COL7A1: variants seen among roughly 807,000 people sequenced by gnomAD.
COL7A1 encodes collagen alpha-1(VII) chain.
Under a neutral mutation model 456.2 loss-of-function variants are expected in COL7A1, and 296 were observed. The observed-to-expected ratio is 0.65, with a 90% CI of 0.59 to 0.71. COL7A1 has a LOEUF of 0.71. Among genes scored for constraint, COL7A1 ranks in the 30% least tolerant of loss-of-function variants. The pLI is 0.00. For synonymous variants in COL7A1, 1,464 were observed against 1,525.9 expected (o/e 0.96, Z 0.95); for missense variants, 3,441 against 4,017.2 (o/e 0.86, Z 3.88).
In COL7A1 at chr3:48,567,945, C is replaced by G. The variant is rs1412234927; in HGVS notation, c.7876-54G>C. 6.2e-7 allele frequency: 1 copy of G among 1,609,430 alleles called. No homozygotes were observed. Among genetic ancestry groups the G allele is most frequent in the Admixed American group, 1.7e-5 (1 of 59,886 alleles). The stretch of plus-strand genomic sequence containing the variant: ...ATTCCCAGACACCTCACTCTGTGAC[C>G]CCCTTCACCCTGAAACTAACTCTCC... On this transcript the variant is annotated intron_variant, in intron 106 of 118. Coordinates refer to ENST00000681320, the MANE Select transcript of COL7A1 (RefSeq NM_000094.4). This position sits in a 1 kb window ranked among gnomAD's most constrained non-coding sequence, Gnocchi z 4.3.
In COL7A1 at chr3:48,574,496, C is replaced by T. The variant is rs370428918; in HGVS notation, c.6448G>A (p.Gly2150Ser). Reference sequence around the variant, plus strand: ...GTTGGGCAAGGACTTACCGGGTTGCCGTCCTGACCCCTCGGTCCAGGCTCT... The same window carrying T: ...GTTGGGCAAGGACTTACCGGGTTGCTGTCCTGACCCCTCGGTCCAGGCTCT... ...RGEPGPRGQDGNPGLPGERGM... is the reference protein window; with the variant it reads ...RGEPGPRGQDSNPGLPGERGM... The change falls in exon 79 of 119, where the codon GGC becomes AGC. Residue 2150 changes from glycine to serine, a missense_variant. By Grantham distance (56) the Gly-to-Ser change is moderately conservative. Transcript: ENST00000681320. This position sits in a 1 kb window ranked among gnomAD's most constrained non-coding sequence, Gnocchi z 5.0. 1.6e-5 allele frequency: 26 copies of T among 1,613,988 alleles called. No individual in the cohort carries two copies. In the Middle Eastern group the frequency reaches 4.9e-4, roughly 31 times the overall value.
In COL7A1 at chr3:48,571,975, C is replaced by T. The variant is rs983759628; in HGVS notation, c.7068+26G>A. On this transcript the variant is annotated intron_variant, in intron 92 of 118. Transcript: ENST00000681320. The surrounding 1 kb of genome is among the most constrained non-coding windows in gnomAD (Gnocchi z 4.6). Reference sequence around the variant, plus strand: ...GCCATCACACTCCTCAGGCCAGGCTCGCCCTTGCCTAGGCCCCGGACTCAC... The same window carrying T: ...GCCATCACACTCCTCAGGCCAGGCTTGCCCTTGCCTAGGCCCCGGACTCAC... 28 of 1,609,372 alleles carry T rather than the reference C, an allele frequency of 1.7e-5. No homozygotes were observed. The East Asian group carries it at 2.5e-4, about 14-fold the overall frequency.
In COL7A1 at chr3:48,574,558, C is replaced by T. The variant is rs2107668980; in HGVS notation, c.6394-8G>A. On this transcript the variant is annotated splice_region_variant and splice_polypyrimidine_tract_variant and intron_variant, in intron 78 of 118. Coordinates refer to ENST00000681320, the MANE Select transcript of COL7A1 (RefSeq NM_000094.4). The surrounding 1 kb of genome is among the most constrained non-coding windows in gnomAD (Gnocchi z 5.0). ...TTTGATGCCTGGCACACCCTGAAGG[C>T]AGAGTGTCGTGCCCTGAGCCCCCAG... The T allele has an allele frequency of 6.2e-7, 1 of 1,613,934 alleles. No homozygotes were observed. Among genetic ancestry groups the T allele is most frequent in the African/African-American group, 1.3e-5 (1 of 75,044 alleles).
intron 65 of COL7A1, among the ~76,000 whole-genome samples, chr3:48,577,519 G>A (rs1182514093): frequency 6.6e-6 from 1 of 152,214 alleles, no homozygotes; most frequent in African/African-American, 2.4e-5. Flanking sequence ...CAATGTGTAT[G>A]ACCATAAGCG....
At chr3:48,576,047 T>G in intron 71 of COL7A1, 145 bp from the exon 72 acceptor site, 1 of 1,435,418 alleles carries the variant, frequency 7.0e-7, no homozygotes, top group Non-Finnish European at 9.7e-7. Flanking sequence ...GAGGCATGGC[T>G]GGAGACTCCT....
Position 48,582,346 on chromosome 3 carries a change from G to A in COL7A1, c.4612C>T (p.Arg1538Cys), listed in dbSNP as rs149711883. The change falls in exon 47 of 119, where the codon CGC (arginine) becomes TGC (cysteine). Residue 1538 changes from arginine (R) to cysteine (C), a missense_variant. Around this residue, in one of 3 missense-constraint regions of COL7A1, gnomAD observed 2,084 missense variants for 2,501.3 expected, o/e 0.83. Transcript: ENST00000681320. ...GRQGEKGEPG[R>C]PGDPAVVGPA... ...ACCACCACTGCAGGGTCCCCAGGGCGACCAGGCTCCCCCTGTGGAGAGAGG... is the reference window on the plus strand; with the variant it reads ...ACCACCACTGCAGGGTCCCCAGGGCAACCAGGCTCCCCCTGTGGAGAGAGG... 4.7e-4 allele frequency: 761 copies of A among 1,614,012 alleles called. 4 individuals carry two copies. In the African/African-American group the frequency reaches 8.7e-3, roughly 18 times the overall value.
intron 37 of COL7A1, 102 bp downstream of exon 37, chr3:48,584,196 G>A: frequency 6.4e-7 from 1 of 1,551,540 alleles, no homozygotes; most frequent in Admixed American, 1.9e-5. Flanking sequence ...GAGGATGGGG[G>A]TAATCAAAGG....
Position 48,570,080 on chromosome 3 carries a change from G to A in COL7A1, c.7485+54C>T, listed in dbSNP as rs2043812293. ...GGCAGAGAGTCCTGGGGTACAAAGG[G>A]CACAGGCAGGGGACTGAAGTCACAG... On this transcript the variant is annotated intron_variant, in intron 99 of 118. Transcript: ENST00000681320. This position sits in a 1 kb window ranked among gnomAD's most constrained non-coding sequence, Gnocchi z 5.5. 8.7e-6 allele frequency: 14 copies of A among 1,607,854 alleles called. No homozygotes were observed. The Admixed American group carries it at 2.2e-4, about 25-fold the overall frequency.
In COL7A1 at chr3:48,571,485, C is replaced by A. The variant is rs866474972; in HGVS notation, c.7069-207G>T. On this transcript the variant is annotated intron_variant, in intron 92 of 118. Transcript: ENST00000681320. This position sits in a 1 kb window ranked among gnomAD's most constrained non-coding sequence, Gnocchi z 4.6. Reference sequence around the variant, plus strand: ...CAGACAGAGGGACGCTCAGATACTACCATAGACAGGTGGGAGTTCAGGCAT... The same window carrying A: ...CAGACAGAGGGACGCTCAGATACTAACATAGACAGGTGGGAGTTCAGGCAT... 1 of 731,222 alleles carries A rather than the reference C, an allele frequency of 1.4e-6. No homozygotes were observed. The highest frequency in any genetic ancestry group is 1.7e-5 in the African/African-American group (1 of 57,574). The allele number at this position is 731,222 out of a possible 1,614,324, so 45.3% of individuals were successfully genotyped here.
rs550293860 is a variant in COL7A1, at chr3:48,567,738, G to C, written c.7955C>G (p.Pro2652Arg). ...CTCTCCTTTGTGTCCTGCCAGCCCG[G>C]GGCGGCCTGGGGGACCAGCTTCTCC... ...DKGEAGPPGRPGLAGHKGEMG... is the reference protein window; with the variant it reads ...DKGEAGPPGRRGLAGHKGEMG... Residue 2652 changes from proline to arginine, a missense_variant, in exon 108 of 119, where the codon CCC becomes CGC. This residue lies in a region of COL7A1 where 2,084 missense variants were observed against 2,501.3 expected (regional missense o/e 0.83). Coordinates refer to ENST00000681320, the MANE Select transcript of COL7A1 (RefSeq NM_000094.4). This position sits in a 1 kb window ranked among gnomAD's most constrained non-coding sequence, Gnocchi z 4.3. 6.2e-7 allele frequency: 1 copy of C among 1,614,098 alleles called. No homozygotes were observed. The highest frequency in any genetic ancestry group is 8.5e-7 in the Non-Finnish European group (1 of 1,180,018).
In COL7A1 at chr3:48,570,402, C is replaced by T; in HGVS notation, c.7380+63G>A. On this transcript the variant is annotated intron_variant, in intron 97 of 118. Coordinates refer to ENST00000681320, the MANE Select transcript of COL7A1 (RefSeq NM_000094.4). This position sits in a 1 kb window ranked among gnomAD's most constrained non-coding sequence, Gnocchi z 5.5. ...TGGGGGACGCAGGGTCATGGGAGGT[C>T]AGTGGAGGCTGAAGGGGGTGACCAG... The T allele has an allele frequency of 6.2e-7, 1 of 1,613,902 alleles. No individual in the cohort carries two copies. The highest frequency in any genetic ancestry group is 1.1e-5 in the South Asian group (1 of 91,064).
chr3:48,575,669 C>T lies in COL7A1; in HGVS notation c.5936G>A (p.Gly1979Asp), dbSNP rs1451374859. The T allele has an allele frequency of 6.2e-7, 1 of 1,613,498 alleles. No homozygotes were observed. The highest frequency in any genetic ancestry group is 8.5e-7 in the Non-Finnish European group (1 of 1,180,038). The change falls in exon 73 of 119, where the codon GGC becomes GAC. Residue 1979 changes from glycine (G) to aspartate (D), a missense_variant. Physicochemically the swap from Gly to Asp is moderately conservative, Grantham distance 94. This residue lies in a region of COL7A1 where 2,084 missense variants were observed against 2,501.3 expected (regional missense o/e 0.83). Transcript: ENST00000681320. The surrounding 1 kb of genome is among the most constrained non-coding windows in gnomAD (Gnocchi z 6.3). ...CTGTTCGCCTGAGTCCCCCTTGGGGCCTCGACGCCGTTCGGGCACAGGCAG... is the reference window on the plus strand; with the variant it reads ...CTGTTCGCCTGAGTCCCCCTTGGGGTCTCGACGCCGTTCGGGCACAGGCAG... ...SFLPVPERRR[G>D]PKGDSGEQGP...
rs1231998556 is a variant in COL7A1, at chr3:48,590,701, G to A, written c.1752C>T (p.Gly584=). The A allele has an allele frequency of 6.2e-7, 1 of 1,614,004 alleles. No individual in the cohort carries two copies. ...RVSARVGPRE[G]SASVLTVRRE... The stretch of plus-strand genomic sequence containing the variant: ...GGCGGACAGTGAGGACACTGGCACT[G>A]CCCTCACGGGGACCCACTCGAGCAG... Residue 584 remains glycine, a synonymous_variant, in exon 14 of 119, where the codon GGC becomes GGT. Coordinates refer to ENST00000681320, the MANE Select transcript of COL7A1 (RefSeq NM_000094.4). The surrounding 1 kb of genome is among the most constrained non-coding windows in gnomAD (Gnocchi z 4.6).
At position 48,583,515 on chromosome 3, in the gene COL7A1, C is replaced by T. The variant is rs373267685; in HGVS notation, c.4401+41G>A. On this transcript the variant is annotated intron_variant, in intron 41 of 118. Coordinates refer to ENST00000681320, the MANE Select transcript of COL7A1 (RefSeq NM_000094.4). The surrounding 1 kb of genome is among the most constrained non-coding windows in gnomAD (Gnocchi z 5.1). ...TTGATGATTGAGGTAGGGGCTGGAG[C>T]TGTGCCCACCATATTCAGAATCCCT... The T allele has an allele frequency of 2.8e-5, 45 of 1,613,424 alleles. No homozygotes were observed. Among genetic ancestry groups the T allele is most frequent in the Non-Finnish European group, 3.6e-5 (43 of 1,179,646 alleles).
chr3:48,583,855 C>A lies in COL7A1; in HGVS notation c.4278+45G>T. 1 of 1,613,444 alleles carries A rather than the reference C, an allele frequency of 6.2e-7. No individual in the cohort carries two copies. The highest frequency in any genetic ancestry group is 8.5e-7 in the Non-Finnish European group (1 of 1,179,646). On this transcript the variant is annotated intron_variant, in intron 39 of 118. Transcript: ENST00000681320. The surrounding 1 kb of genome is among the most constrained non-coding windows in gnomAD (Gnocchi z 5.1). ...CCCAACCACTGCCCCAGGAGAGACC[C>A]ACACCCCTGAGCAGGGCCCCCAGCA...
In COL7A1 at chr3:48,591,056, T is replaced by C. The variant is rs1029737813; in HGVS notation, c.1637-240A>G. On this transcript the variant is annotated intron_variant, in intron 13 of 118. Coordinates refer to ENST00000681320, the MANE Select transcript of COL7A1 (RefSeq NM_000094.4). This position sits in a 1 kb window ranked among gnomAD's most constrained non-coding sequence, Gnocchi z 7.0. ...CAGGAGTCTGTGGGATCTTAGCATG[T>C]AGGATGACAGGAGTCAGTGGACTGC... Among the ~76,000 whole-genome samples the C allele has an allele frequency of 1.3e-5, 2 of 152,076 alleles. No individual in the cohort carries two copies. The highest frequency in any genetic ancestry group is 4.8e-5 in the African/African-American group (2 of 41,392).
In COL7A1 at chr3:48,572,385, C is replaced by T. The variant is rs1418100415; in HGVS notation, c.6973G>A (p.Glu2325Lys). 1 of 1,614,164 alleles carries T rather than the reference C, an allele frequency of 6.2e-7. No homozygotes were observed. The highest frequency in any genetic ancestry group is 2.2e-5 in the East Asian group (1 of 44,882). The stretch of plus-strand genomic sequence containing the variant: ...GTCAGAAGTTCCCTACTTACCGGCT[C>T]ACCCACCAGGTCTCCAGCAAGGCCT... Reference protein sequence around the residue: ...PGGLAGDLVGEPGAKGDRGLP... With the variant: ...PGGLAGDLVGKPGAKGDRGLP... The change falls in exon 90 of 119, where the codon GAG becomes AAG. Residue 2325 changes from glutamate (E) to lysine (K), a missense_variant. Physicochemically the swap from Glu to Lys is moderately conservative, Grantham distance 56. This residue lies in a region of COL7A1 where 2,084 missense variants were observed against 2,501.3 expected (regional missense o/e 0.83). Transcript: ENST00000681320. The surrounding 1 kb of genome is among the most constrained non-coding windows in gnomAD (Gnocchi z 4.6).
rs2043931741 is a variant in COL7A1, at chr3:48,571,701, T to G, written c.7068+300A>C. On this transcript the variant is annotated intron_variant, in intron 92 of 118. Transcript: ENST00000681320. The surrounding 1 kb of genome is among the most constrained non-coding windows in gnomAD (Gnocchi z 4.6). ...TGTAAACACAGGACCAAGGAGAGGT[T>G]CACAAGAACTCAGGTGTGTCCTGGG... 1 of 641,366 alleles carries G rather than the reference T, an allele frequency of 1.6e-6. No individual in the cohort carries two copies. Among genetic ancestry groups the G allele is most frequent in the Non-Finnish European group, 2.9e-6 (1 of 343,640 alleles). 39.7% of individuals were successfully genotyped at this position (641,366 alleles called of 1,614,324 possible).
chr3:48,590,440 C>T lies in COL7A1; in HGVS notation c.1906+19G>A, dbSNP rs751543889. The stretch of plus-strand genomic sequence containing the variant: ...CTCATTGGTCCCTTTGGCAGTCCCC[C>T]CACACACCCCACACTGACCACTGCC... On this transcript the variant is annotated intron_variant, in intron 15 of 118. Transcript: ENST00000681320. This position sits in a 1 kb window ranked among gnomAD's most constrained non-coding sequence, Gnocchi z 4.6. 8.7e-6 allele frequency: 14 copies of T among 1,613,996 alleles called. No homozygotes were observed. The highest frequency in any genetic ancestry group is 1.2e-5 in the Non-Finnish European group (14 of 1,180,022).
Sources: allele counts gnomAD v4.1 joint callset (sites outside exome capture counted in the v4.1 genomes callset), GRCh38; gene constraint gnomAD v4.1.1; regional missense constraint gnomAD v4.1.1; non-coding constraint Gnocchi (gnomAD v3.1); transcripts MANE v1.5; gene names NCBI Gene and HGNC (gene_info 2026-07-23, HGNC 2026-07-21).